Variants in MYO5A observed in about 807,000 individuals in gnomAD.
The protein encoded by MYO5A is unconventional myosin-Va.
In MYO5A, 98 loss-of-function variants were observed where a neutral mutation model predicts 249.7. That is an observed-to-expected ratio of 0.39 (90% CI 0.33 to 0.46). The LOEUF (loss-of-function observed/expected upper bound fraction) is 0.46, where lower values mean the gene tolerates loss of function less well. Among genes scored for constraint, MYO5A ranks in the 20% least tolerant of loss-of-function variants. The pLI, the probability that MYO5A is intolerant of heterozygous loss-of-function variation, is 0.98. For synonymous variants in MYO5A, 778 were observed against 810.6 expected, an observed-to-expected ratio of 0.96 and a Z score of 0.68; for missense variants, 1,696 against 2,308.8, an observed-to-expected ratio of 0.73 and a Z score of 5.44.
chr15:52,450,316 C>G (rs1006036537), intron 1 of MYO5A, among the ~76,000 whole-genome samples: 3 of 151,552 alleles, frequency 2.0e-5, no homozygotes, highest in African/African-American at 4.9e-5. Context: ...GTGCTTAGTA[C>G]GTAGAAGGCA....
At chr15:52,364,441 TG>T in intron 24 of MYO5A, 112 bp downstream of exon 24, 1 of 982,864 alleles carries the variant, frequency 1.0e-6, no homozygotes, top group Non-Finnish European at 1.5e-6. Context: ...TTGAACATTC[TG>T]GAACTGGGTG....
intron 12 of MYO5A, among the ~76,000 whole-genome samples, chr15:52,390,939 G>A (rs2042206107): frequency 6.6e-6 from 1 of 152,054 alleles, no homozygotes; most frequent in African/African-American, 2.4e-5. Context: ...CTTTGCAACA[G>A]TAGTATTCTC....
At chr15:52,372,970 T>A (rs200774746) in intron 20 of MYO5A, among the ~76,000 whole-genome samples, 1 of 150,926 alleles carries the variant, frequency 6.6e-6, no homozygotes, top group African/African-American at 2.5e-5. Context: ...TTTTTTTTTT[T>A]AGAAACTAAA....
At chr15:52,507,002 T>A (rs78493734) in intron 1 of MYO5A, among the ~76,000 whole-genome samples, 166 of 152,340 alleles carry the variant, frequency 1.1e-3, no homozygotes, top group African/African-American at 4.0e-3. Context: ...TACAAACAAA[T>A]GTTTCTATTC....
At chr15:52,459,513 A>C (rs2076194007) in intron 1 of MYO5A, among the ~76,000 whole-genome samples, 1 of 152,228 alleles carries the variant, frequency 6.6e-6, no homozygotes, top group Non-Finnish European at 1.5e-5. Context: ...CAGCATCCCA[A>C]GGCAGAAGAA....
intron 9 of MYO5A, among the ~76,000 whole-genome samples, chr15:52,403,540 G>T (rs2042853003): frequency 1.3e-5 from 2 of 152,182 alleles, no homozygotes; most frequent in South Asian, 4.1e-4. Flanking sequence ...TTGCTTAGGG[G>T]TAGGGAAATA....
At chr15:52,340,066 G>C (rs2039306211) in intron 32 of MYO5A, 130 bp downstream of exon 32, 1 of 914,978 alleles carries the variant, frequency 1.1e-6, no homozygotes, top group Non-Finnish European at 1.7e-6. Context: ...GTCTCTGCTG[G>C]AGTAAGAGGG....
chr15:52,448,842 C>T (rs911288472), intron 1 of MYO5A, among the ~76,000 whole-genome samples: 1 of 152,026 alleles, frequency 6.6e-6, no homozygotes, highest in Non-Finnish European at 1.5e-5. Flanking sequence ...TTTCCTGAGG[C>T]CTCCACAGCC....
chr15:52,433,413 CTTT>C (rs151276395), intron 1 of MYO5A, 128 bp from the exon 2 acceptor site: 2,974 of 271,432 alleles, frequency 0.011, no homozygotes, highest in East Asian at 0.016. Flanking sequence ...ATGAAATTCA[CTTT>C]TTTTTTTTTT....
chr15:52,346,578 C>G (rs1299696008), intron 29 of MYO5A, 117 bp from the exon 30 acceptor site: 1 of 730,024 alleles, frequency 1.4e-6, no homozygotes, highest in African/African-American at 1.7e-5. Flanking sequence ...ATACCTGTGA[C>G]CCACCAAAGC....
At chr15:52,375,246 T>A in intron 20 of MYO5A, 58 bp downstream of exon 20, 1 of 1,556,986 alleles carries the variant, frequency 6.4e-7, no homozygotes, top group South Asian at 1.1e-5. Flanking sequence ...TCTGTATAGA[T>A]GTGAAATTTG....
At position 52,309,667 on chromosome 15, in the gene MYO5A, C is replaced by T. The variant is rs969929320; in HGVS notation, c.*4029G>A. The T allele has an allele frequency of 4.6e-5, 7 of 152,190 alleles. No individual in the cohort carries two copies. The highest frequency in any genetic ancestry group is 1.2e-4 in the African/African-American group (5 of 41,434). 9.4% of individuals were successfully genotyped at this position (152,190 alleles called of 1,614,324 possible). On this transcript the variant is annotated 3_prime_UTR_variant, in exon 42 of 42. Coordinates refer to ENST00000399233, the MANE Select transcript of MYO5A (RefSeq NM_001382347.1). ...CGTCCATGCTGCTGTGAGGATGAAA[C>T]GAGGTAACAGAGGAAAGCGCCGCAG...
Position 52,384,170 on chromosome 15 carries a change from C to T in MYO5A, c.1905G>A (p.Val635=). The change falls in exon 15 of 42, where the codon GTG becomes GTA. Residue 635 remains valine, a synonymous_variant. Transcript: ENST00000399233. ...AGCTCCCTGAACTCACCTGATGCCC[C>T]ACTGTTTTCTTGTGCTCTTTGGCCA... The part of the protein sequence containing the change: ...GQMAKEHKKT[V]GHQFRNSLHL... 1 of 1,614,136 alleles carries T rather than the reference C, an allele frequency of 6.2e-7. No homozygotes were observed. The highest frequency in any genetic ancestry group is 8.5e-7 in the Non-Finnish European group (1 of 1,180,004).
At chr15:52,486,565 A>G (rs555706532) in intron 1 of MYO5A, among the ~76,000 whole-genome samples, 1 of 152,292 alleles carries the variant, frequency 6.6e-6, no homozygotes, top group East Asian at 1.9e-4. Flanking sequence ...AAATTCTAGA[A>G]ATCAGACTTT....
At chr15:52,449,776 G>A (rs2075975689) in intron 1 of MYO5A, among the ~76,000 whole-genome samples, 1 of 152,178 alleles carries the variant, frequency 6.6e-6, no homozygotes, top group Non-Finnish European at 1.5e-5. Context: ...AAAGGAGGAG[G>A]ACTGCTTGAG....
intron 1 of MYO5A, among the ~76,000 whole-genome samples, chr15:52,462,289 A>G (rs1332826319): frequency 6.6e-6 from 1 of 151,960 alleles, no homozygotes; most frequent in Non-Finnish European, 1.5e-5. Flanking sequence ...AGGTTTGATC[A>G]AAACCCACAA....
chr15:52,377,925 G>T (rs12913979), intron 18 of MYO5A, among the ~76,000 whole-genome samples: 1 of 152,106 alleles, frequency 6.6e-6, no homozygotes, highest in African/African-American at 2.4e-5. Context: ...CCTATGAGTA[G>T]ATATCTCATA....
chr15:52,339,235 G>A (rs2039269001), intron 32 of MYO5A, among the ~76,000 whole-genome samples: 1 of 152,056 alleles, frequency 6.6e-6, no homozygotes, highest in African/African-American at 2.4e-5. Context: ...TATCACAAAT[G>A]GAGTAATGGA....
At chr15:52,324,002 C>CAAAAAAAAAAAAAAAAAAAAAAAAAAA (rs56227811) in intron 36 of MYO5A, 2 of 40,182 alleles carry the variant, frequency 5.0e-5, no homozygotes, top group Non-Finnish European at 6.7e-5. Context: ...GACTCTGTCT[C>CAAAAAAAAAAAAAAAAAAAAAAAAAAA]AAAAAAAAAA....
Sources: allele counts gnomAD v4.1 joint callset (sites outside exome capture counted in the v4.1 genomes callset), GRCh38; gene constraint gnomAD v4.1.1; transcripts MANE v1.5; gene names NCBI Gene and HGNC (gene_info 2026-07-23, HGNC 2026-07-21).